Variants in ANXA8 observed in about 807,000 individuals in gnomAD.
The protein encoded by ANXA8 is annexin A8.
A neutral mutation model predicts 26.8 loss-of-function variants in ANXA8; 9 were observed. The observed-to-expected ratio is 0.34, with a 90% CI of 0.20 to 0.59. The LOEUF (loss-of-function observed/expected upper bound fraction) is 0.59. Ranked by LOEUF, ANXA8 falls within the 20% of genes least tolerant of loss-of-function variation. The probability of loss-of-function intolerance (pLI) is 0.84; values close to 1 mark genes in which losing one functional copy is unlikely to be tolerated. For synonymous variants in ANXA8, 39 were observed against 94.8 expected, an observed-to-expected ratio of 0.41 and a Z score of 3.42; for missense variants, 83 against 238.5, an observed-to-expected ratio of 0.35 and a Z score of 4.29.
chr10:47,468,882 T>C lies in ANXA8; in HGVS notation c.949A>G (p.Asn317Asp), dbSNP rs1839197792. The C allele has an allele frequency of 6.2e-6, 10 of 1,611,240 alleles. No individual in the cohort carries two copies. The African/African-American group carries it at 1.1e-4, about 17-fold the overall frequency. The change falls in exon 12 of 12, where the codon AAC (asparagine) becomes GAC (aspartate). Residue 317 changes from asparagine (N) to aspartate (D), a missense_variant. Physicochemically the swap from Asn to Asp is conservative, Grantham distance 23. Coordinates refer to ENST00000585281, the MANE Select transcript of ANXA8 (RefSeq NM_001040084.3). ...CTGCCCACCAGGCTCAGCAGGGCGT[T>C]CTTGTAGTCACCGCTGGTGTCTTCC... is the stretch of plus-strand genomic sequence containing the variant. ...IMEDTSGDYK[N>D]ALLSLVGSDP
At chr10:47,969,222 A>T in the ANXA8 span, among the ~76,000 whole-genome samples, 2 of 151,426 alleles carry the variant, frequency 1.3e-5, 1 homozygote, top group Admixed American at 1.3e-4. Context: ...TCACAGTTAC[A>T]CCGACCTGAC....
At chr10:47,958,068 G>A in the ANXA8 span, among the ~76,000 whole-genome samples, 3 of 150,334 alleles carry the variant, frequency 2.0e-5, no homozygotes, top group Admixed American at 1.3e-4. Context: ...TTTTGTGGGG[G>A]CCACAATTCA....
chr10:47,614,701 T>A, the ANXA8 span, among the ~76,000 whole-genome samples: 1 of 59,778 alleles, frequency 1.7e-5, no homozygotes, highest in East Asian at 2.9e-4. Context: ...TCTTGTTGCC[T>A]AGGCTGGAGT....
At chr10:47,496,663 C>T in the ANXA8 span, among the ~76,000 whole-genome samples, 1 of 143,622 alleles carries the variant, frequency 7.0e-6, no homozygotes, top group Non-Finnish European at 1.5e-5. Flanking sequence ...TTTTGTAGGA[C>T]TGCAATAACA....
At chr10:47,768,333 G>A in the ANXA8 span, among the ~76,000 whole-genome samples, 2 of 151,496 alleles carry the variant, frequency 1.3e-5, 1 homozygote, top group East Asian at 3.9e-4. Context: ...CATCCAATGA[G>A]CCATAAGAGG....
the ANXA8 span, among the ~76,000 whole-genome samples, chr10:47,723,530 T>C: frequency 9.4e-6 from 1 of 106,688 alleles, no homozygotes; most frequent in African/African-American, 3.3e-5. Flanking sequence ...CTCTCAGTTA[T>C]ATTCAGCATG....
At chr10:47,778,057 C>G in the ANXA8 span, among the ~76,000 whole-genome samples, 47 of 152,100 alleles carry the variant, frequency 3.1e-4, no homozygotes, top group African/African-American at 1.0e-3. Flanking sequence ...CCCTTAAAAT[C>G]TCAATTGGCT....
chr10:47,930,153 G>A, the ANXA8 span, among the ~76,000 whole-genome samples: 1 of 151,938 alleles, frequency 6.6e-6, no homozygotes, highest in African/African-American at 2.4e-5. Flanking sequence ...GCCACCCCTT[G>A]ATATCAACTT....
At chr10:47,620,620 A>T in the ANXA8 span, among the ~76,000 whole-genome samples, 9 of 105,210 alleles carry the variant, frequency 8.6e-5, no homozygotes, top group East Asian at 2.1e-3. Context: ...CGCTTAAAAA[A>T]TGATTAAAAT....
chr10:47,497,626 AAAAAAC>A, the ANXA8 span, among the ~76,000 whole-genome samples: 4 of 142,272 alleles, frequency 2.8e-5, no homozygotes, highest in Non-Finnish European at 6.1e-5. Flanking sequence ...TCTCAAAAAA[AAAAAAC>A]AACAACAAAA....
chr10:47,943,590 A>C, the ANXA8 span, among the ~76,000 whole-genome samples: 1 of 150,782 alleles, frequency 6.6e-6, no homozygotes, highest in Non-Finnish European at 1.5e-5. Flanking sequence ...TCCTGAGCCG[A>C]GTCACTGAGG....
chr10:47,675,109 G>T, the ANXA8 span, among the ~76,000 whole-genome samples: 2 of 143,644 alleles, frequency 1.4e-5, no homozygotes, highest in South Asian at 4.4e-4. Flanking sequence ...TGCTACTGGG[G>T]TGTTTTTGCT....
At chr10:47,967,189 C>G in the ANXA8 span, among the ~76,000 whole-genome samples, 279 of 149,872 alleles carry the variant, frequency 1.9e-3, 2 homozygotes, top group African/African-American at 6.3e-3. Context: ...CCTCTCCCCT[C>G]CCCAGTCCTG....
At chr10:47,675,879 A>C in the ANXA8 span, among the ~76,000 whole-genome samples, 1 of 151,796 alleles carries the variant, frequency 6.6e-6, no homozygotes, top group African/African-American at 2.4e-5. Flanking sequence ...ATATGCTTGA[A>C]AAGATGGGGA....
chr10:47,586,500 CCTGT>C, the ANXA8 span, among the ~76,000 whole-genome samples: 1 of 145,406 alleles, frequency 6.9e-6, no homozygotes, highest in South Asian at 2.1e-4. Context: ...CAGTGACTCA[CCTGT>C]CTTTTTCTCC....
chr10:47,679,629 CA>C, the ANXA8 span, among the ~76,000 whole-genome samples: 2 of 151,396 alleles, frequency 1.3e-5, no homozygotes, highest in Non-Finnish European at 2.9e-5. Flanking sequence ...AAAACAAAAC[CA>C]AAAAAAGGCG....
the ANXA8 span, among the ~76,000 whole-genome samples, chr10:47,640,068 A>G: frequency 3.6e-5 from 5 of 140,794 alleles, no homozygotes; most frequent in African/African-American, 1.2e-4. Context: ...CTGGGATTAC[A>G]GGTGTAAGCC....
the ANXA8 span, among the ~76,000 whole-genome samples, chr10:47,650,869 CAAATAAACACATG>C: frequency 1.4e-5 from 2 of 148,098 alleles, no homozygotes; most frequent in East Asian, 4.0e-4. Context: ...TGCAAATGGC[CAAATAAACACATG>C]AAATACACAC....
chr10:47,503,431 A>C, the ANXA8 span: 3 of 1,609,688 alleles, frequency 1.9e-6, no homozygotes, highest in African/African-American at 2.8e-5. Flanking sequence ...AGTGGGAGGA[A>C]CACTGAACTG....
Sources: gnomAD v4.1 joint callset for allele counts (sites outside exome capture counted in the v4.1 genomes callset) on GRCh38, gnomAD v4.1.1 for gene constraint, MANE v1.5 for transcripts, NCBI Gene and HGNC (gene_info 2026-07-23, HGNC 2026-07-21) for gene names.